AFG2A: variants seen among roughly 807,000 people sequenced by gnomAD.
AFG2A encodes the protein ATPase family gene 2 protein homolog A.
At chr4:123,231,764 A>T in the AFG2A span, among the ~76,000 whole-genome samples, 1 of 151,924 alleles carries the variant, frequency 6.6e-6, no homozygotes, top group African/African-American at 2.4e-5. Flanking sequence ...CTTAAAGGCC[A>T]TTGTAGGGTT....
At chr4:123,086,240 T>C in the AFG2A span, among the ~76,000 whole-genome samples, 1 of 152,184 alleles carries the variant, frequency 6.6e-6, no homozygotes, top group Non-Finnish European at 1.5e-5. Flanking sequence ...AAATTCCTTA[T>C]TTTTATTTGA....
the AFG2A span, among the ~76,000 whole-genome samples, chr4:123,160,540 T>C: frequency 6.6e-6 from 1 of 152,180 alleles, no homozygotes; most frequent in Admixed American, 6.5e-5. Context: ...TACAAGATTC[T>C]CTCATCTCTG....
At chr4:123,273,152 C>T in the AFG2A span, among the ~76,000 whole-genome samples, 2 of 152,090 alleles carry the variant, frequency 1.3e-5, no homozygotes, top group African/African-American at 2.4e-5. Context: ...ACTCAGTCAT[C>T]GCTGATCCTC....
At chr4:123,221,434 A>G in the AFG2A span, among the ~76,000 whole-genome samples, 2 of 152,146 alleles carry the variant, frequency 1.3e-5, no homozygotes, top group Admixed American at 1.3e-4. Flanking sequence ...AAGTGCTAGA[A>G]CTACAGGCGT....
the AFG2A span, among the ~76,000 whole-genome samples, chr4:123,190,314 G>A: frequency 2.6e-5 from 4 of 152,154 alleles, no homozygotes; most frequent in East Asian, 1.9e-4. Flanking sequence ...TCATACTAGC[G>A]TTTGAATTAG....
chr4:123,213,799 T>C, the AFG2A span, among the ~76,000 whole-genome samples: 1 of 152,124 alleles, frequency 6.6e-6, no homozygotes, highest in Admixed American at 6.6e-5. Context: ...ACCTTCCAGC[T>C]AGGAAATGAG....
the AFG2A span, among the ~76,000 whole-genome samples, chr4:123,201,337 G>A: frequency 2.6e-5 from 4 of 152,050 alleles, no homozygotes; most frequent in African/African-American, 9.7e-5. Context: ...AACAATCTAC[G>A]TTTCCCAAGT....
At chr4:123,142,198 G>A in the AFG2A span, among the ~76,000 whole-genome samples, 1 of 152,146 alleles carries the variant, frequency 6.6e-6, no homozygotes, top group African/African-American at 2.4e-5. Context: ...CACTGAACAT[G>A]ACCTAGAACA....
At chr4:123,204,038 T>G in the AFG2A span, among the ~76,000 whole-genome samples, 1 of 152,234 alleles carries the variant, frequency 6.6e-6, no homozygotes, top group Non-Finnish European at 1.5e-5. Flanking sequence ...TCTGTGCCTT[T>G]CCTTCGAAGT....
the AFG2A span, among the ~76,000 whole-genome samples, chr4:123,251,577 T>C: frequency 6.6e-6 from 1 of 152,160 alleles, no homozygotes. Context: ...TGGGGGAATA[T>C]TAAATGAGCT....
the AFG2A span, among the ~76,000 whole-genome samples, chr4:122,972,465 C>T: frequency 6.6e-5 from 10 of 150,856 alleles, no homozygotes; most frequent in Admixed American, 5.9e-4. Flanking sequence ...CATTATTTCC[C>T]TCCTTCTTTT....
At chr4:123,121,259 AATAAT>A in the AFG2A span, among the ~76,000 whole-genome samples, 14 of 118,696 alleles carry the variant, frequency 1.2e-4, no homozygotes, top group East Asian at 2.1e-3. Flanking sequence ...AAAAAAAAAA[AATAAT>A]AAATAAAAAA....
chr4:123,227,940 G>T, the AFG2A span, among the ~76,000 whole-genome samples: 4 of 152,078 alleles, frequency 2.6e-5, no homozygotes, highest in African/African-American at 9.7e-5. Context: ...TCTTCTTGTT[G>T]AATTGATCCC....
chr4:123,028,202 T>C, the AFG2A span: 1 of 1,614,096 alleles, frequency 6.2e-7, no homozygotes, highest in Non-Finnish European at 8.5e-7. Context: ...TGGTCAGATA[T>C]AGGAGGACTG....
the AFG2A span, among the ~76,000 whole-genome samples, chr4:122,997,235 A>C: frequency 6.6e-6 from 1 of 152,194 alleles, no homozygotes; most frequent in African/African-American, 2.4e-5. Context: ...TATCTATGGA[A>C]TCAAGTAACC....
the AFG2A span, among the ~76,000 whole-genome samples, chr4:123,108,036 C>G: frequency 6.6e-6 from 1 of 152,226 alleles, no homozygotes; most frequent in African/African-American, 2.4e-5. Context: ...GAGCCCCGCC[C>G]TCCCAACTCA....
the AFG2A span, among the ~76,000 whole-genome samples, chr4:123,030,777 AT>A: frequency 0.022 from 3,335 of 152,172 alleles, 61 homozygotes; most frequent in Non-Finnish European, 0.036. Flanking sequence ...TAGATTTTGA[AT>A]TTTTTTGCAT....
chr4:123,024,227 C>CAAAAAAAAAAAAAA, the AFG2A span, among the ~76,000 whole-genome samples: 1 of 123,650 alleles, frequency 8.1e-6, no homozygotes, highest in Non-Finnish European at 1.6e-5. Context: ...AGACTATAAG[C>CAAAAAAAAAAAAAA]AAAAAAAAAA....
chr4:123,216,944 CA>C, the AFG2A span, among the ~76,000 whole-genome samples: 2 of 152,088 alleles, frequency 1.3e-5, no homozygotes, highest in African/African-American at 4.8e-5. Flanking sequence ...TGCTGGGATA[CA>C]GGTATGAGCC....
Sources: allele counts gnomAD v4.1 joint callset (sites outside exome capture counted in the v4.1 genomes callset), GRCh38; gene constraint gnomAD v4.1.1; transcripts MANE v1.5; gene names NCBI Gene and HGNC (gene_info 2026-07-23, HGNC 2026-07-21).